The following DNAH6 variants were observed in gnomAD, a reference collection of about 807,000 sequenced individuals.
DNAH6 encodes the protein dynein axonemal heavy chain 6, also known as axonemal beta dynein heavy chain 6.
Under a neutral mutation model 491.4 loss-of-function variants are expected in DNAH6, and 340 were observed. The ratio of observed to expected loss-of-function variants is 0.69; its 90% CI spans 0.63 to 0.76. The LOEUF (loss-of-function observed/expected upper bound fraction) is 0.76. DNAH6 is among the 30% of genes least tolerant of loss of function. The pLI, the probability that DNAH6 is intolerant of heterozygous loss-of-function variation, is 0.00. For synonymous variants in DNAH6, 1,603 were observed against 1,686.1 expected (o/e 0.95, Z 1.21); for missense variants, 4,443 against 4,972.2 (o/e 0.89, Z 3.20).
intron 11 of DNAH6, among the ~76,000 whole-genome samples, chr2:84,564,084 T>G (rs1165970314): frequency 6.6e-6 from 1 of 152,210 alleles, no homozygotes; most frequent in Admixed American, 6.5e-5. Flanking sequence ...TACCTTGCTG[T>G]TTTGGTTACT....
chr2:84,550,120 G>A (rs1027779532), intron 9 of DNAH6, 63 bp downstream of exon 9: 17 of 1,288,544 alleles, frequency 1.3e-5, no homozygotes, highest in African/African-American at 4.5e-5. Context: ...TGCAAACTAC[G>A]CTCTATGAAT....
intron 46 of DNAH6, among the ~76,000 whole-genome samples, chr2:84,696,282 G>A (rs1695375311): frequency 6.6e-6 from 1 of 151,698 alleles, no homozygotes; most frequent in East Asian, 1.9e-4. Flanking sequence ...AAAAGCATAA[G>A]CTGTACTCGT....
chr2:84,697,949 C>A, intron 47 of DNAH6: 1 of 542,610 alleles, frequency 1.8e-6, no homozygotes, highest in Non-Finnish European at 3.3e-6. Flanking sequence ...TCCCATTGCC[C>A]CACAGAGGTC....
intron 2 of DNAH6, among the ~76,000 whole-genome samples, chr2:84,519,724 T>C (rs1675963845): frequency 6.6e-6 from 1 of 151,418 alleles, no homozygotes; most frequent in Non-Finnish European, 1.5e-5. Flanking sequence ...CTCTTCTTCT[T>C]TTACATTTTT....
chr2:84,564,021 T>C (rs1680922774), intron 11 of DNAH6, among the ~76,000 whole-genome samples: 1 of 152,172 alleles, frequency 6.6e-6, no homozygotes, highest in Admixed American at 6.5e-5. Context: ...TGCAGCTTTA[T>C]TTCTGGGTTT....
chr2:84,565,726 C>T (rs190372652), intron 11 of DNAH6, among the ~76,000 whole-genome samples: 22 of 151,978 alleles, frequency 1.4e-4, no homozygotes, highest in East Asian at 3.9e-4. Flanking sequence ...TATGTCTTTT[C>T]GTAGGTCTAG....
chr2:84,564,061 G>A (rs1295926481), intron 11 of DNAH6, among the ~76,000 whole-genome samples: 2 of 152,088 alleles, frequency 1.3e-5, no homozygotes, highest in African/African-American at 2.4e-5. Context: ...CTATGTGTCT[G>A]TTTTTGTACC....
At chr2:84,714,376 C>T (rs1697328872) in intron 57 of DNAH6, among the ~76,000 whole-genome samples, 1 of 152,104 alleles carries the variant, frequency 6.6e-6, no homozygotes, top group Non-Finnish European at 1.5e-5. Flanking sequence ...AGTTTAATTA[C>T]ACAGCCACTG....
chr2:84,640,064 G>T (rs887281115), intron 31 of DNAH6, among the ~76,000 whole-genome samples: 3 of 152,198 alleles, frequency 2.0e-5, no homozygotes, highest in Non-Finnish European at 4.4e-5. Context: ...TGGTGTTCCT[G>T]TCAGATCAGA....
intron 44 of DNAH6, among the ~76,000 whole-genome samples, chr2:84,687,143 ACT>A (rs1277264400): frequency 2.6e-5 from 4 of 151,956 alleles, no homozygotes; most frequent in African/African-American, 9.7e-5. Context: ...TCTCTGCAAT[ACT>A]CTCTGTCTAA....
intron 28 of DNAH6, 102 bp downstream of exon 28, chr2:84,624,722 T>C: frequency 7.4e-7 from 1 of 1,346,632 alleles, no homozygotes; most frequent in Non-Finnish European, 1.0e-6. Context: ...GAATTTATTA[T>C]GAATACATCT....
chr2:84,741,164 G>C (rs1672493280), intron 62 of DNAH6, among the ~76,000 whole-genome samples: 1 of 152,024 alleles, frequency 6.6e-6, no homozygotes, highest in African/African-American at 2.4e-5. Context: ...ATATATAGGA[G>C]AGCCTTGGTC....
chr2:84,713,355 C>T, intron 57 of DNAH6, 96 bp downstream of exon 57: 1 of 1,148,202 alleles, frequency 8.7e-7, no homozygotes, highest in East Asian at 2.6e-5. Flanking sequence ...AGGGAAAGTG[C>T]TCCCCCATTC....
At chr2:84,663,810 TTAAAA>T (rs1329001671) in intron 37 of DNAH6, among the ~76,000 whole-genome samples, 1 of 151,968 alleles carries the variant, frequency 6.6e-6, no homozygotes, top group African/African-American at 2.4e-5. Context: ...TTCACCAAAG[TTAAAA>T]TAAAGGAAAA....
At chr2:84,597,720 A>G (rs1684741569) in intron 18 of DNAH6, among the ~76,000 whole-genome samples, 1 of 152,256 alleles carries the variant, frequency 6.6e-6, no homozygotes, top group Non-Finnish European at 1.5e-5. Flanking sequence ...AATTTCCATC[A>G]ATTAATAAAT....
At chr2:84,476,396 C>G in the DNAH6 span, among the ~76,000 whole-genome samples, 1 of 152,170 alleles carries the variant, frequency 6.6e-6, no homozygotes, top group African/African-American at 2.4e-5. Flanking sequence ...AGTTTTGTAG[C>G]TAATTCATCT....
chr2:84,802,257 T>A (rs1678994100), intron 70 of DNAH6, among the ~76,000 whole-genome samples: 1 of 152,118 alleles, frequency 6.6e-6, no homozygotes, highest in Non-Finnish European at 1.5e-5. Context: ...TTAAAAGATA[T>A]AGAATGGCAA....
chr2:84,701,177 G>T lies in DNAH6; in HGVS notation c.7899G>T (p.Lys2633Asn). Residue 2633 changes from lysine to asparagine, a missense_variant, in exon 49 of 77, where the codon AAG becomes AAT. Coordinates refer to ENST00000389394, the MANE Select transcript of DNAH6 (RefSeq NM_001370.2). ...VDAGNEELKE[K>N]LPLMCVNVHL... is the part of the protein sequence containing the mutation. The stretch of plus-strand genomic sequence containing the variant: ...CTGGAAATGAAGAACTGAAAGAAAA[G>T]CTTCCCTTGATGTGCGTGAACGTTC... 3.2e-6 allele frequency: 5 copies of T among 1,551,746 alleles called. No individual in the cohort carries two copies. Among genetic ancestry groups the T allele is most frequent in the Non-Finnish European group, 4.4e-6 (5 of 1,146,992 alleles).
intron 58 of DNAH6, among the ~76,000 whole-genome samples, chr2:84,716,726 G>A (rs1362355786): frequency 6.6e-6 from 1 of 151,600 alleles, no homozygotes; most frequent in East Asian, 1.9e-4. Flanking sequence ...CAGCATGTTA[G>A]GCTGCCTGGG....
Sources: allele counts gnomAD v4.1 joint callset (sites outside exome capture counted in the v4.1 genomes callset), GRCh38; gene constraint gnomAD v4.1.1; transcripts MANE v1.5; gene names NCBI Gene and HGNC (gene_info 2026-07-23, HGNC 2026-07-21).